The following RBFOX1 variants were observed in gnomAD, a reference collection of about 807,000 sequenced individuals.
The protein encoded by RBFOX1 is RNA binding fox-1 homolog 1, also known as RNA binding protein fox-1 homolog 1.
Under a neutral mutation model 57.7 loss-of-function variants are expected in RBFOX1, and 8 were observed. The observed-to-expected ratio is 0.14, with a 90% CI of 0.08 to 0.25. The LOEUF (loss-of-function observed/expected upper bound fraction) is 0.25, where lower values mean the gene tolerates loss of function less well. Ranked by LOEUF, RBFOX1 falls within the 10% of genes least tolerant of loss-of-function variation. RBFOX1 has a pLI of 1.00. For missense variants in RBFOX1, 611 were observed against 548.5 expected, an observed-to-expected ratio of 1.11 and a Z score of -1.14; for synonymous variants, 326 against 222.4, an observed-to-expected ratio of 1.47 and a Z score of -4.15.
chr16:7,341,440 G>C (rs1320921072), intron 4 of RBFOX1, among the ~76,000 whole-genome samples: 2 of 152,132 alleles, frequency 1.3e-5, no homozygotes, highest in Non-Finnish European at 2.9e-5. Context: ...GGATGATCAA[G>C]TCCCAGTCTC....
chr16:6,390,261 C>A (rs1371215387), intron 2 of RBFOX1, among the ~76,000 whole-genome samples: 3 of 152,102 alleles, frequency 2.0e-5, no homozygotes, highest in Non-Finnish European at 2.9e-5. Context: ...CTTAGAGGTG[C>A]CATTCTGATT....
chr16:5,252,033 G>C (rs2062465205), intron 1 of RBFOX1, among the ~76,000 whole-genome samples: 1 of 152,168 alleles, frequency 6.6e-6, no homozygotes, highest in Non-Finnish European at 1.5e-5. Context: ...TGTAGCCCCC[G>C]CTGAGCTGGG....
chr16:6,233,118 G>A (rs866884889), intron 1 of RBFOX1, among the ~76,000 whole-genome samples: 2 of 152,164 alleles, frequency 1.3e-5, no homozygotes, highest in South Asian at 4.1e-4. Flanking sequence ...GATAGAGAGA[G>A]ATGAGGCTGG....
At chr16:5,903,993 G>C (rs1026900983) in intron 4 of RBFOX1, among the ~76,000 whole-genome samples, 1 of 152,160 alleles carries the variant, frequency 6.6e-6, no homozygotes, top group Admixed American at 6.5e-5. Flanking sequence ...TGAGCTAATA[G>C]AATGGAGATG....
At chr16:5,318,233 A>G (rs2064297098) in intron 1 of RBFOX1, among the ~76,000 whole-genome samples, 1 of 152,078 alleles carries the variant, frequency 6.6e-6, no homozygotes, top group Admixed American at 6.5e-5. Flanking sequence ...GGTTCAAGCG[A>G]TTCTTGTTCC....
chr16:6,820,033 AC>A (rs1486688491), intron 3 of RBFOX1, among the ~76,000 whole-genome samples: 1 of 152,056 alleles, frequency 6.6e-6, no homozygotes, highest in Non-Finnish European at 1.5e-5. Flanking sequence ...CATGGGAGGC[AC>A]CCAATAGGAA....
chr16:6,393,774 A>G (rs1357507226), intron 2 of RBFOX1, among the ~76,000 whole-genome samples: 1 of 152,188 alleles, frequency 6.6e-6, no homozygotes, highest in Non-Finnish European at 1.5e-5. Context: ...GTTATGTTAG[A>G]GGTCCAAATG....
intron 3 of RBFOX1, among the ~76,000 whole-genome samples, chr16:5,798,784 C>T (rs1442570658): frequency 6.6e-6 from 1 of 152,174 alleles, no homozygotes; most frequent in African/African-American, 2.4e-5. Context: ...AAATTATGAA[C>T]CAGGGGTCTG....
chr16:6,852,797 G>C (rs1360769832), intron 3 of RBFOX1, among the ~76,000 whole-genome samples: 2 of 151,950 alleles, frequency 1.3e-5, no homozygotes, highest in South Asian at 2.1e-4. Context: ...CTGGGAACTA[G>C]CTGTCCAGGT....
chr16:6,474,291 G>A (rs1639160), intron 2 of RBFOX1, among the ~76,000 whole-genome samples: 104,531 of 151,394 alleles, frequency 0.69, 36,215 homozygotes, highest in South Asian at 0.8. Flanking sequence ...CAGAGCGGAC[G>A]TGACATCTGT....
intron 4 of RBFOX1, among the ~76,000 whole-genome samples, chr16:7,130,859 C>T (rs770062412): frequency 2.6e-5 from 4 of 152,050 alleles, no homozygotes; most frequent in Non-Finnish European, 5.9e-5. Flanking sequence ...TCAGGCAATC[C>T]TGGGGTGCCA....
chr16:7,049,872 A>C (rs1226897621), intron 3 of RBFOX1, among the ~76,000 whole-genome samples: 1 of 152,198 alleles, frequency 6.6e-6, no homozygotes, highest in Non-Finnish European at 1.5e-5. Flanking sequence ...CATAAAATAA[A>C]ATTTACCTTT....
At chr16:7,580,539 A>T (rs2152840715) in intron 6 of RBFOX1, among the ~76,000 whole-genome samples, 1 of 152,310 alleles carries the variant, frequency 6.6e-6, no homozygotes, top group Non-Finnish European at 1.5e-5. Flanking sequence ...ATTCAGAGGT[A>T]CTTACTGTGG....
chr16:6,981,462 G>A (rs1475939287), intron 3 of RBFOX1, among the ~76,000 whole-genome samples: 3 of 152,152 alleles, frequency 2.0e-5, no homozygotes, highest in Non-Finnish European at 2.9e-5. Flanking sequence ...TCCATGGTGT[G>A]TATAAACCAC....
intron 3 of RBFOX1, among the ~76,000 whole-genome samples, chr16:7,041,615 C>T (rs899432336): frequency 4.6e-5 from 7 of 152,076 alleles, no homozygotes; most frequent in African/African-American, 1.7e-4. Flanking sequence ...GCTGCCCCCT[C>T]GAAACAGTCA....
intron 3 of RBFOX1, among the ~76,000 whole-genome samples, chr16:7,048,322 C>T (rs1205578248): frequency 6.6e-6 from 1 of 152,046 alleles, no homozygotes; most frequent in Non-Finnish European, 1.5e-5. Flanking sequence ...TGCAGTGGCA[C>T]AATCTTGGCT....
At chr16:5,814,991 C>CT (rs1407190238) in intron 3 of RBFOX1, among the ~76,000 whole-genome samples, 70 of 145,930 alleles carry the variant, frequency 4.8e-4, no homozygotes, top group Middle Eastern at 3.5e-3. Context: ...TTCTTTCTTT[C>CT]TTTTTTTTTT....
chr16:6,282,404 T>A (rs914350764), intron 1 of RBFOX1, among the ~76,000 whole-genome samples: 2 of 150,934 alleles, frequency 1.3e-5, no homozygotes, highest in Admixed American at 6.6e-5. Flanking sequence ...CTGGGATACG[T>A]GTTCAGAGAG....
intron 1 of RBFOX1, among the ~76,000 whole-genome samples, chr16:6,203,712 A>G (rs1376268600): frequency 6.6e-6 from 1 of 152,200 alleles, no homozygotes; most frequent in Non-Finnish European, 1.5e-5. Flanking sequence ...GTTGGTGAAG[A>G]TGTGGAAAGA....
Sources: gnomAD v4.1 joint callset for allele counts (sites outside exome capture counted in the v4.1 genomes callset) on GRCh38, gnomAD v4.1.1 for gene constraint, MANE v1.5 for transcripts, NCBI Gene and HGNC (gene_info 2026-07-23, HGNC 2026-07-21) for gene names.